STARD9: variants seen among roughly 807,000 people sequenced by gnomAD.
STARD9 encodes stAR-related lipid transfer protein 9.
In STARD9, 346 loss-of-function variants were observed where a neutral mutation model predicts 399.8. That is an observed-to-expected ratio of 0.87 (90% CI 0.79 to 0.95). The LOEUF is 0.95. Ranked by LOEUF, STARD9 falls within the 40% of genes least tolerant of loss-of-function variation. The pLI is 0.00. For missense variants in STARD9, 5,832 were observed against 5,667.5 expected (o/e 1.03, Z -0.93); for synonymous variants, 2,203 against 2,143.5 (o/e 1.03, Z -0.77).
chr15:42,617,426 G>A (rs925463134), intron 3 of STARD9, among the ~76,000 whole-genome samples: 7 of 152,026 alleles, frequency 4.6e-5, no homozygotes, highest in South Asian at 2.1e-4. Context: ...ACAGTGGCAC[G>A]ATGTTGGCTC....
chr15:42,652,902 T>A (rs1566906044), intron 9 of STARD9, among the ~76,000 whole-genome samples: 1 of 152,198 alleles, frequency 6.6e-6, no homozygotes, highest in Non-Finnish European at 1.5e-5. Context: ...GGTCTCAAAC[T>A]CCTGACCTCA....
intron 3 of STARD9, among the ~76,000 whole-genome samples, chr15:42,597,300 C>T (rs1289654821): frequency 6.6e-6 from 1 of 152,112 alleles, no homozygotes; most frequent in Non-Finnish European, 1.5e-5. Context: ...TCCTGGGCTC[C>T]ACCTTGGCCT....
At chr15:42,683,002 C>G (rs142128384) in intron 22 of STARD9, among the ~76,000 whole-genome samples, 28 of 152,322 alleles carry the variant, frequency 1.8e-4, no homozygotes, top group African/African-American at 6.7e-4. Flanking sequence ...GCTTTCTCAC[C>G]CCACCTCCCA....
At chr15:42,601,114 C>T (rs936199949) in intron 3 of STARD9, among the ~76,000 whole-genome samples, 55 of 152,268 alleles carry the variant, frequency 3.6e-4, no homozygotes, top group Non-Finnish European at 5.1e-4. Flanking sequence ...CAAAGCACAT[C>T]TTGCACTGCC....
At position 42,599,770 on chromosome 15, in the gene STARD9, C is replaced by G. The variant is rs144697433; in HGVS notation, c.234+14133C>G. Among the ~76,000 whole-genome samples the G allele has an allele frequency of 3.0e-3, 453 of 152,268 alleles. 4 individuals carry two copies. Among genetic ancestry groups the G allele is most frequent in the South Asian group, 0.016 (78 of 4,826 alleles). ...TTCAGTAAGCATTTAGGAAGCAACACATGGGGTTTAGTGCTGCGAGGAATA... is the reference window on the plus strand; with the variant it reads ...TTCAGTAAGCATTTAGGAAGCAACAGATGGGGTTTAGTGCTGCGAGGAATA... On this transcript the variant is annotated intron_variant, in intron 3 of 32. Coordinates refer to ENST00000290607, the MANE Select transcript of STARD9 (RefSeq NM_020759.3).
chr15:42,613,601 G>A (rs1055954411), intron 3 of STARD9, among the ~76,000 whole-genome samples: 13 of 152,096 alleles, frequency 8.5e-5, no homozygotes, highest in Non-Finnish European at 1.6e-4. Context: ...TAAATGTAAA[G>A]CACTTATAAT....
chr15:42,599,746 T>C (rs1193890135), intron 3 of STARD9, among the ~76,000 whole-genome samples: 2 of 152,220 alleles, frequency 1.3e-5, no homozygotes, highest in African/African-American at 4.8e-5. Context: ...ATTCATTCAT[T>C]CAGTAAGCAT....
intron 26 of STARD9, among the ~76,000 whole-genome samples, chr15:42,709,182 G>C (rs899608557): frequency 1.3e-5 from 2 of 151,958 alleles, no homozygotes; most frequent in African/African-American, 4.8e-5. Flanking sequence ...GATCACTTGA[G>C]TCCAGTATTT....
intron 20 of STARD9, among the ~76,000 whole-genome samples, chr15:42,677,792 C>T (rs959763895): frequency 3.9e-5 from 6 of 152,196 alleles, no homozygotes; most frequent in Non-Finnish European, 8.8e-5. Context: ...AGTATATATG[C>T]ACGGTGCAGA....
intron 3 of STARD9, among the ~76,000 whole-genome samples, chr15:42,623,587 A>T (rs16973396): frequency 0.032 from 4,865 of 152,232 alleles, 255 homozygotes; most frequent in African/African-American, 0.11. Context: ...TTCAAGACTC[A>T]TTTCTTTCAA....
Position 42,652,576 on chromosome 15 carries a change from C to A in STARD9, c.686C>A (p.Thr229Lys), listed in dbSNP as rs370130488. The A allele has an allele frequency of 5.2e-6, 8 of 1,537,414 alleles. No individual in the cohort carries two copies. In the East Asian group the frequency reaches 2.0e-4, roughly 38 times the overall value. ...AGCAGCAGATCCCACGCCATTTTCA[C>A]GATCCACTACACGCAGGTTGGTAAC... ...EASSRSHAIF[T>K]IHYTQAILEN... The change falls in exon 9 of 33, where the codon ACG becomes AAG. Residue 229 changes from threonine (T) to lysine (K), a missense_variant. Transcript: ENST00000290607.
rs1167095578 is a variant in STARD9 at position 42,660,546 on chromosome 15, CAA to C, written c.703-611_703-610del. Among the ~76,000 whole-genome samples the C allele has an allele frequency of 3.2e-5, 4 of 124,952 alleles. No homozygotes were observed. In the East Asian group the frequency reaches 7.0e-4, roughly 22 times the overall value. The allele number at this position is 124,952 out of a possible 152,430, so 82.0% of individuals were successfully genotyped here. A position where few individuals can be genotyped will look rare whatever the true frequency, so the allele number is the denominator to read the frequency against. On this transcript the variant is annotated intron_variant, in intron 9 of 32. Coordinates refer to ENST00000290607, the MANE Select transcript of STARD9 (RefSeq NM_020759.3). Reference sequence around the variant, plus strand: ...TGCCATTGCACTCCAGCCTGGGTAACAAGAGCAAAACTCCGGCTCAAAAAAAA... The same window carrying C: ...TGCCATTGCACTCCAGCCTGGGTAACGAGCAAAACTCCGGCTCAAAAAAAA...
rs878981368 is a variant in STARD9 at position 42,687,222 on chromosome 15, C to G, written c.5644C>G (p.Pro1882Ala). Residue 1882 changes from proline to alanine, a missense_variant, in exon 23 of 33, where the codon CCA (proline) becomes GCA (alanine). Coordinates refer to ENST00000290607, the MANE Select transcript of STARD9 (RefSeq NM_020759.3). The part of the protein sequence containing the change: ...VVILNKKHSF[P>A]ALEGGEVTAQ... ...AATTTTAAATAAAAAACACAGTTTTCCAGCACTTGAGGGAGGAGAGGTCAC... is the reference window on the plus strand; with the variant it reads ...AATTTTAAATAAAAAACACAGTTTTGCAGCACTTGAGGGAGGAGAGGTCAC... 1.3e-6 allele frequency: 2 copies of G among 1,537,288 alleles called. No homozygotes were observed. Among genetic ancestry groups the G allele is most frequent in the Non-Finnish European group, 1.7e-6 (2 of 1,146,968 alleles).
chr15:42,581,218 G>A (rs2058161557), intron 1 of STARD9: 1 of 784,728 alleles, frequency 1.3e-6, no homozygotes, highest in South Asian at 1.3e-5. Flanking sequence ...TCTACTTGTG[G>A]AGTCTTCAGT....
intron 3 of STARD9, among the ~76,000 whole-genome samples, chr15:42,606,472 T>G (rs1212645160): frequency 6.6e-6 from 1 of 152,160 alleles, no homozygotes; most frequent in East Asian, 1.9e-4. Flanking sequence ...GTTTTGTTTT[T>G]TGAAACAGGG....
In STARD9 at chr15:42,718,518, C is replaced by T. The variant is rs1187736315; in HGVS notation, c.13842+4C>T. 4 of 1,536,660 alleles carry T rather than the reference C, an allele frequency of 2.6e-6. No individual in the cohort carries two copies. Among genetic ancestry groups the T allele is most frequent in the Non-Finnish European group, 3.5e-6 (4 of 1,146,512 alleles). ...TGTCTGCGTGGAAGCCAAAGAGGTG[C>T]CTGCCTTGGTGGTAAAGATGTTGTG... On this transcript the variant is annotated splice_donor_region_variant and intron_variant, in intron 31 of 32. Coordinates refer to ENST00000290607, the MANE Select transcript of STARD9 (RefSeq NM_020759.3).
Position 42,720,866 on chromosome 15 carries a change from G to T in STARD9, c.*1292G>T, listed in dbSNP as rs576992766. 1.3e-5 allele frequency: 2 copies of T among 151,910 alleles called. No homozygotes were observed. Among genetic ancestry groups the T allele is most frequent in the African/African-American group, 4.8e-5 (2 of 41,332 alleles). 9.4% of individuals were successfully genotyped at this position (151,910 alleles called of 1,614,324 possible). On this transcript the variant is annotated 3_prime_UTR_variant, in exon 33 of 33. Transcript: ENST00000290607. ...AATTGCTTTTAAACTTCTATTTCTC[G>T]GGTAAATTTTTTGGTGACATGATAT... is the stretch of plus-strand genomic sequence containing the variant.
intron 3 of STARD9, among the ~76,000 whole-genome samples, chr15:42,628,866 C>G (rs1312152504): frequency 6.6e-6 from 1 of 152,000 alleles, no homozygotes; most frequent in African/African-American, 2.4e-5. Flanking sequence ...TAATATGATT[C>G]CTTCAGTTTT....
Position 42,693,183 on chromosome 15 carries a change from C to A in STARD9, c.11605C>A (p.Leu3869Ile), listed in dbSNP as rs1414728384. 1 of 1,537,036 alleles carries A rather than the reference C, an allele frequency of 6.5e-7. No homozygotes were observed. ...PSPSSPHSPG[L>I]FPSTSEYPGD... ...TCCCAGCTCCCCTCATTCCCCAGGG[C>A]TCTTTCCCAGTACTTCCGAGTATCC... The change falls in exon 23 of 33, where the codon CTC (leucine) becomes ATC (isoleucine). Residue 3869 changes from leucine to isoleucine, a missense_variant. Physicochemically the swap from Leu to Ile is conservative, Grantham distance 5. Transcript: ENST00000290607.
Sources: gnomAD v4.1 joint callset for allele counts (sites outside exome capture counted in the v4.1 genomes callset) on GRCh38, gnomAD v4.1.1 for gene constraint, MANE v1.5 for transcripts, NCBI Gene and HGNC (gene_info 2026-07-23, HGNC 2026-07-21) for gene names.